MYO16: variants seen among roughly 807,000 people sequenced by gnomAD.
The protein encoded by MYO16 is myosin XVI.
Under a neutral mutation model 205.3 loss-of-function variants are expected in MYO16, and 94 were observed. The observed-to-expected ratio is 0.46, with a 90% CI of 0.39 to 0.54. MYO16 has a LOEUF of 0.54. MYO16 is among the 20% of genes least tolerant of loss of function. MYO16 has a pLI of 0.00. For missense variants in MYO16, 2,315 were observed against 2,387.5 expected (o/e 0.97, Z 0.63); for synonymous variants, 988 against 954.0 (o/e 1.04, Z -0.66).
chr13:109,173,446 G>A (rs575426655), intron 33 of MYO16, among the ~76,000 whole-genome samples: 1 of 152,166 alleles, frequency 6.6e-6, no homozygotes, highest in Non-Finnish European at 1.5e-5. Context: ...TTCAAATTGA[G>A]TTTAATTCAG....
intron 23 of MYO16, among the ~76,000 whole-genome samples, chr13:109,038,306 C>T (rs1886776886): frequency 6.6e-6 from 1 of 152,126 alleles, no homozygotes; most frequent in Non-Finnish European, 1.5e-5. Context: ...ACTGATTAAG[C>T]TGTTGCCCTC....
chr13:108,764,122 C>T (rs192948687), intron 4 of MYO16, among the ~76,000 whole-genome samples: 5 of 152,174 alleles, frequency 3.3e-5, no homozygotes, highest in East Asian at 1.9e-4. Context: ...AATAAAGTTG[C>T]GAACTGCAGC....
chr13:108,934,816 G>A (rs2139299673), intron 16 of MYO16, among the ~76,000 whole-genome samples: 1 of 152,024 alleles, frequency 6.6e-6, no homozygotes, highest in East Asian at 1.9e-4. Flanking sequence ...GAAAGATAGG[G>A]GTCCATTGTA....
Position 109,140,318 on chromosome 13 carries a change from C to T in MYO16, c.4106C>T (p.Pro1369Leu). ...GACTACAGCACCATGAAGAAGATTCCTCCTCGAAAGCCCAAGCGCAGCCCC... is the reference window on the plus strand; with the variant it reads ...GACTACAGCACCATGAAGAAGATTCTTCCTCGAAAGCCCAAGCGCAGCCCC... The part of the protein sequence containing the change: ...SDDYSTMKKI[P>L]PRKPKRSPNT... The change falls in exon 32 of 35, where the codon CCT becomes CTT. Residue 1369 changes from proline (P) to leucine (L), a missense_variant. By Grantham distance (98) the Pro-to-Leu change is moderately conservative. This residue lies in a region of MYO16 where 1,097 missense variants were observed against 1,092.0 expected (regional missense o/e 1.00). Coordinates refer to ENST00000457511, the MANE Select transcript of MYO16 (RefSeq NM_001198950.3). This position sits in a 1 kb window ranked among gnomAD's most constrained non-coding sequence, Gnocchi z 8.0. The T allele has an allele frequency of 6.2e-7, 1 of 1,602,742 alleles. No homozygotes were observed. Among genetic ancestry groups the T allele is most frequent in the Non-Finnish European group, 8.5e-7 (1 of 1,179,376 alleles).
At chr13:108,640,072 G>A (rs953051461) in intron 1 of MYO16, among the ~76,000 whole-genome samples, 2 of 152,170 alleles carry the variant, frequency 1.3e-5, no homozygotes, top group Admixed American at 1.3e-4. Flanking sequence ...TTTGAAATAG[G>A]CATGGGAGTT....
chr13:108,654,901 T>C (rs2139409759), intron 1 of MYO16, among the ~76,000 whole-genome samples: 1 of 152,282 alleles, frequency 6.6e-6, no homozygotes. Context: ...ATTTAGCCCA[T>C]CTGGTGGAAG....
chr13:109,008,248 C>A (rs181215734), intron 21 of MYO16, among the ~76,000 whole-genome samples: 10 of 152,324 alleles, frequency 6.6e-5, no homozygotes, highest in Admixed American at 5.9e-4. Context: ...CTTTCCCAAT[C>A]TGAAACTGTG....
chr13:109,074,315 C>T (rs1373181863), intron 27 of MYO16, among the ~76,000 whole-genome samples: 1 of 152,174 alleles, frequency 6.6e-6, no homozygotes, highest in Non-Finnish European at 1.5e-5. Flanking sequence ...GCTTTTGCCT[C>T]CTGTATTAGT....
At chr13:108,595,617 GC>G (rs111652653), upstream of MYO16, among the ~76,000 whole-genome samples, 161 of 152,166 alleles carry the variant, frequency 1.1e-3, no homozygotes, top group African/African-American at 3.5e-3. Context: ...TAGACAGTCA[GC>G]CCCCTCTCCA....
chr13:109,007,550 G>A (rs1021676901), intron 21 of MYO16, among the ~76,000 whole-genome samples: 870 of 55,258 alleles, frequency 0.016, 7 homozygotes, highest in South Asian at 0.072. Context: ...GTGTGTGTGT[G>A]TGTGTGTGTG....
intron 18 of MYO16, among the ~76,000 whole-genome samples, chr13:108,961,948 A>G (rs1333554769): frequency 6.6e-6 from 1 of 152,194 alleles, no homozygotes; most frequent in Non-Finnish European, 1.5e-5. Flanking sequence ...TCACCCCACT[A>G]CCCAGTGTAT....
chr13:108,947,867 A>T (rs1594417602), intron 16 of MYO16, among the ~76,000 whole-genome samples: 3 of 152,350 alleles, frequency 2.0e-5, no homozygotes, highest in African/African-American at 4.8e-5. Flanking sequence ...GACTTTCTGA[A>T]TGTGTAATTT....
At chr13:108,577,163 C>A in the MYO16 span, among the ~76,000 whole-genome samples, 2 of 152,214 alleles carry the variant, frequency 1.3e-5, no homozygotes, top group East Asian at 3.9e-4. Flanking sequence ...TTGTTTAATG[C>A]AATATGACAT....
At chr13:108,904,897 T>C (rs1880887573) in intron 15 of MYO16, among the ~76,000 whole-genome samples, 1 of 152,202 alleles carries the variant, frequency 6.6e-6, no homozygotes, top group Non-Finnish European at 1.5e-5. Context: ...TTTCATTCAC[T>C]TTAGAGTGTA....
chr13:109,065,188 G>A (rs1181738534), intron 27 of MYO16, among the ~76,000 whole-genome samples: 2 of 152,138 alleles, frequency 1.3e-5, no homozygotes, highest in African/African-American at 4.8e-5. Flanking sequence ...GACAAGGAAA[G>A]AAGCTTGCAG....
chr13:108,852,051 C>T (rs1010726833), intron 10 of MYO16, among the ~76,000 whole-genome samples: 1 of 152,170 alleles, frequency 6.6e-6, no homozygotes, highest in African/African-American at 2.4e-5. Context: ...TCTCTCCCCA[C>T]ATCCCACAGT....
At chr13:108,500,217 T>G in the MYO16 span, among the ~76,000 whole-genome samples, 4 of 5,318 alleles carry the variant, frequency 7.5e-4, no homozygotes, top group Admixed American at 3.0e-3. Flanking sequence ...TTTTTTTTTT[T>G]TTTGTTTTTT....
intron 4 of MYO16, among the ~76,000 whole-genome samples, chr13:108,758,713 T>C (rs1225242372): frequency 6.6e-6 from 1 of 152,232 alleles, no homozygotes; most frequent in Non-Finnish European, 1.5e-5. Context: ...GTGGCATGTT[T>C]GTTAATAGAT....
At chr13:109,092,102 G>A (rs1004965745) in intron 27 of MYO16, among the ~76,000 whole-genome samples, 11 of 152,118 alleles carry the variant, frequency 7.2e-5, no homozygotes, top group African/African-American at 2.2e-4. Flanking sequence ...AGGGGTTTCA[G>A]GACACTGAAA....
Sources: gnomAD v4.1 joint callset for allele counts (sites outside exome capture counted in the v4.1 genomes callset) on GRCh38, gnomAD v4.1.1 for gene constraint, gnomAD v4.1.1 regional missense constraint, Gnocchi (gnomAD v3.1) non-coding constraint, MANE v1.5 for transcripts, NCBI Gene and HGNC (gene_info 2026-07-23, HGNC 2026-07-21) for gene names.